Variants in NOVA2 observed in about 807,000 individuals in gnomAD.
NOVA2 encodes NOVA alternative splicing regulator 2.
In NOVA2, 9 loss-of-function variants were observed where a neutral mutation model predicts 22.5. That is an observed-to-expected ratio of 0.40 (90% confidence interval 0.24 to 0.70). The LOEUF is 0.70. NOVA2 is among the 30% of genes least tolerant of loss of function. The pLI, the probability that NOVA2 is intolerant of heterozygous loss-of-function variation, is 0.38. For synonymous variants in NOVA2, 318 were observed against 335.2 expected (o/e 0.95, Z 0.56); for missense variants, 383 against 682.8 (o/e 0.56, Z 4.89).
rs1225896636 is a variant in NOVA2, at chr19:45,934,147, C to A, written c.*5716G>T. The A allele has an allele frequency of 2.0e-5, 3 of 152,180 alleles. No homozygotes were observed. Among genetic ancestry groups the A allele is most frequent in the Admixed American group, 2.0e-4 (3 of 15,266 alleles). 9.4% of individuals were successfully genotyped at this position (152,180 alleles called of 1,614,324 possible). ...TTTTAATCTAAGGACTGGGGAGAACCAAGGGACCTTAGAGGTCCTCCAGTC... is the reference window on the plus strand; with the variant it reads ...TTTTAATCTAAGGACTGGGGAGAACAAAGGGACCTTAGAGGTCCTCCAGTC... On this transcript the variant is annotated 3_prime_UTR_variant, in exon 4 of 4. Transcript: ENST00000263257.
At chr19:45,958,584 TGA>T (rs941344343) in intron 2 of NOVA2, among the ~76,000 whole-genome samples, 27 of 151,134 alleles carry the variant, frequency 1.8e-4, no homozygotes, top group East Asian at 3.9e-4. Context: ...TGAGTGTGAA[TGA>T]GTGTGTGTGA....
chr19:45,954,832 G>A (rs191114193), intron 2 of NOVA2, among the ~76,000 whole-genome samples: 4 of 150,386 alleles, frequency 2.7e-5, no homozygotes, highest in Admixed American at 1.3e-4. Flanking sequence ...TGACCAGTGT[G>A]TGTGTCTGCG....
chr19:45,962,011 G>A (rs776785032), intron 1 of NOVA2, among the ~76,000 whole-genome samples: 1 of 152,160 alleles, frequency 6.6e-6, no homozygotes, highest in Non-Finnish European at 1.5e-5. Context: ...GATGGGGCTC[G>A]CAGGCCACAG....
At chr19:45,952,394 AC>A (rs1408137746) in intron 3 of NOVA2, among the ~76,000 whole-genome samples, 4 of 152,280 alleles carry the variant, frequency 2.6e-5, no homozygotes, top group African/African-American at 9.6e-5. Context: ...CAACTAAACA[AC>A]AGAGCCCAGA....
In NOVA2 at chr19:45,973,262, C is replaced by G; in HGVS notation, c.85+5G>C. The stretch of plus-strand genomic sequence containing the variant: ...CCCCCGCCCCGAGCCGCAGCCCTTT[C>G]TCACCTCCCGTGTTGCTGCGCTTGG... On this transcript the variant is annotated splice_donor_5th_base_variant and intron_variant, in intron 1 of 3. Transcript: ENST00000263257. 2 of 1,458,850 alleles carry G rather than the reference C, an allele frequency of 1.4e-6. No homozygotes were observed. The highest frequency in any genetic ancestry group is 1.8e-6 in the Non-Finnish European group (2 of 1,100,732). The allele number at this position is 1,458,850 out of a possible 1,614,324, so 90.4% of individuals were successfully genotyped here.
chr19:45,948,189 G>A (rs1448026020), intron 3 of NOVA2, among the ~76,000 whole-genome samples: 4 of 152,060 alleles, frequency 2.6e-5, no homozygotes, highest in Non-Finnish European at 5.9e-5. Context: ...TGGCCCTGTG[G>A]GTGAAGTCAT....
chr19:45,961,775 G>C (rs76703211), intron 1 of NOVA2, among the ~76,000 whole-genome samples: 2,953 of 152,324 alleles, frequency 0.019, 36 homozygotes, highest in Middle Eastern at 0.041. Flanking sequence ...AGGTGGCAGA[G>C]CTGAGATTTG....
At chr19:45,956,055 G>A (rs1968001284) in intron 2 of NOVA2, among the ~76,000 whole-genome samples, 1 of 152,136 alleles carries the variant, frequency 6.6e-6, no homozygotes, top group African/African-American at 2.4e-5. Context: ...CTCGCCATGT[G>A]TCTGGGCGTC....
chr19:45,965,548 G>A (rs930772382), intron 1 of NOVA2, among the ~76,000 whole-genome samples: 5 of 152,158 alleles, frequency 3.3e-5, no homozygotes, highest in African/African-American at 1.2e-4. Flanking sequence ...GGCCAACATG[G>A]TGAAACTCCC....
At chr19:45,970,278 A>G (rs147192663) in intron 1 of NOVA2, among the ~76,000 whole-genome samples, 395 of 152,282 alleles carry the variant, frequency 2.6e-3, no homozygotes, top group Non-Finnish European at 4.2e-3. Context: ...GATTATTATT[A>G]TTCCATCATA....
At position 45,973,860 on chromosome 19, in the gene NOVA2, C is replaced by A. The variant is rs1264987759; in HGVS notation, c.-509G>T. Reference sequence around the variant, plus strand: ...TTCTTGGCTCCCTGGGGCAAGAGGGCCGAGCCCCCCAGACCCTGCTCGGGG... The same window carrying A: ...TTCTTGGCTCCCTGGGGCAAGAGGGACGAGCCCCCCAGACCCTGCTCGGGG... On this transcript the variant is annotated 5_prime_UTR_variant, in exon 1 of 4. Transcript: ENST00000263257. 6.6e-6 allele frequency among the ~76,000 whole-genome samples: 1 copy of A among 151,066 alleles called. No individual in the cohort carries two copies. Among genetic ancestry groups the A allele is most frequent in the Non-Finnish European group, 1.5e-5 (1 of 67,656 alleles).
chr19:45,949,984 G>T (rs1316303466), intron 3 of NOVA2, among the ~76,000 whole-genome samples: 2 of 150,664 alleles, frequency 1.3e-5, no homozygotes, highest in African/African-American at 4.9e-5. Context: ...CAAGTAATCC[G>T]CCCACCTCGG....
chr19:45,965,372 G>C (rs1239960728), intron 1 of NOVA2, among the ~76,000 whole-genome samples: 1 of 152,120 alleles, frequency 6.6e-6, no homozygotes, highest in Non-Finnish European at 1.5e-5. Context: ...CCTCTCTCTT[G>C]TACTTCTTTA....
rs1967666438 is a variant in NOVA2 at position 45,937,159 on chromosome 19, A to G, written c.*2704T>C. 6.6e-6 allele frequency: 1 copy of G among 152,180 alleles called. No individual in the cohort carries two copies. Among genetic ancestry groups the G allele is most frequent in the Admixed American group, 6.5e-5 (1 of 15,282 alleles). The allele number at this position is 152,180 out of a possible 1,614,324, so 9.4% of individuals were successfully genotyped here. On this transcript the variant is annotated 3_prime_UTR_variant, in exon 4 of 4. Coordinates refer to ENST00000263257, the MANE Select transcript of NOVA2 (RefSeq NM_002516.4). The stretch of plus-strand genomic sequence containing the variant: ...TGGCTGGCTGGGTAGGGGGTCCCCA[A>G]GAAATATGAATAGGGAGGGGTTGTT...
chr19:45,960,700 C>G (rs934833326), intron 2 of NOVA2, among the ~76,000 whole-genome samples: 67 of 152,142 alleles, frequency 4.4e-4, no homozygotes, highest in African/African-American at 1.6e-3. Context: ...CTGCCTCCCT[C>G]CCCACCCTCG....
At chr19:45,960,205 G>A (rs1334339661) in intron 2 of NOVA2, among the ~76,000 whole-genome samples, 1 of 131,092 alleles carries the variant, frequency 7.6e-6, no homozygotes, top group South Asian at 2.2e-4. Flanking sequence ...GAAGGGAGAG[G>A]CAGAAAGAAA....
Position 45,973,352 on chromosome 19 carries a change from GGGGGGGGCCT to G in NOVA2, c.-11_-2del. ...GGGAATCCGGGGCCTCGGGCTCCAT[GGGGGGGGCCT>G]GGGGCGGCGGCTGCTGCTGCTGCGG... On this transcript the variant is annotated 5_prime_UTR_variant, in exon 1 of 4. Coordinates refer to ENST00000263257, the MANE Select transcript of NOVA2 (RefSeq NM_002516.4). 1.8e-6 allele frequency: 2 copies of G among 1,099,196 alleles called. No individual in the cohort carries two copies. Among genetic ancestry groups the G allele is most frequent in the Non-Finnish European group, 1.2e-6 (1 of 863,360 alleles). The allele number at this position is 1,099,196 out of a possible 1,614,324, so 68.1% of individuals were successfully genotyped here. A position where few individuals can be genotyped will look rare whatever the true frequency, so the allele number is the denominator to read the frequency against.
chr19:45,945,954 G>A (rs985723464), intron 3 of NOVA2, among the ~76,000 whole-genome samples: 5 of 140,780 alleles, frequency 3.6e-5, no homozygotes, highest in African/African-American at 1.1e-4. Flanking sequence ...CAAGTGAGCC[G>A]AGATCATGCC....
At chr19:45,948,612 AAAAAGAAAAAAG>A (rs1967877398) in intron 3 of NOVA2, among the ~76,000 whole-genome samples, 1 of 151,802 alleles carries the variant, frequency 6.6e-6, no homozygotes, top group Non-Finnish European at 1.5e-5. Context: ...AAAAAAAAAA[AAAAAGAAAAAAG>A]AAAAGAAAAG....
Sources: gnomAD v4.1 joint callset for allele counts (sites outside exome capture counted in the v4.1 genomes callset) on GRCh38, gnomAD v4.1.1 for gene constraint, MANE v1.5 for transcripts, NCBI Gene and HGNC (gene_info 2026-07-23, HGNC 2026-07-21) for gene names.